Variants in CSMD1 observed in about 807,000 individuals in gnomAD.
CSMD1 encodes CUB and sushi domain-containing protein 1.
CSMD1 carries 213 observed loss-of-function variants against 417.5 expected under a neutral mutation model. That is an observed-to-expected ratio of 0.51 (90% CI 0.46 to 0.57). The LOEUF is 0.57. Among genes scored for constraint, CSMD1 ranks in the 20% least tolerant of loss-of-function variants. The pLI, the probability that CSMD1 is intolerant of heterozygous loss-of-function variation, is 0.00. For synonymous variants in CSMD1, 2,862 were observed against 1,736.8 expected, an observed-to-expected ratio of 1.65 and a Z score of -16.11; for missense variants, 6,923 against 4,529.7, an observed-to-expected ratio of 1.53 and a Z score of -15.17.
intron 2 of CSMD1, among the ~76,000 whole-genome samples, chr8:4,570,471 C>G (rs951260823): frequency 5.9e-5 from 9 of 152,154 alleles, no homozygotes; most frequent in Non-Finnish European, 1.2e-4. Context: ...AGCCTTGCAT[C>G]CCAGGGATGA....
intron 3 of CSMD1, among the ~76,000 whole-genome samples, chr8:4,178,490 A>C (rs1368542243): frequency 3.3e-5 from 5 of 151,218 alleles, no homozygotes; most frequent in Non-Finnish European, 5.9e-5. Context: ...AATGGGCAAA[A>C]ACTGGAAGCA....
At position 4,195,561 on chromosome 8, in the gene CSMD1, T is replaced by C. The variant is rs547928927; in HGVS notation, c.416-163462A>G. ...AGACTTGTGATGTGCGTCTGACCAATAGTATATGGTAGAGGTGAGCGTTGT... is the reference window on the plus strand; with the variant it reads ...AGACTTGTGATGTGCGTCTGACCAACAGTATATGGTAGAGGTGAGCGTTGT... On this transcript the variant is annotated intron_variant, in intron 3 of 69. Transcript: ENST00000635120. Among the ~76,000 whole-genome samples the C allele has an allele frequency of 1.3e-3, 196 of 152,240 alleles. 1 individual carries two copies. The highest frequency in any genetic ancestry group is 2.2e-3 in the Non-Finnish European group (152 of 68,016).
chr8:3,089,081 G>T (rs756729837), intron 48 of CSMD1, among the ~76,000 whole-genome samples: 1 of 152,122 alleles, frequency 6.6e-6, no homozygotes, highest in Non-Finnish European at 1.5e-5. Flanking sequence ...GCCCTACAGG[G>T]GAAACCATAG....
intron 3 of CSMD1, among the ~76,000 whole-genome samples, chr8:4,268,903 C>G (rs898702053): frequency 3.3e-5 from 5 of 152,136 alleles, no homozygotes; most frequent in Admixed American, 3.3e-4. Context: ...GCATCATATA[C>G]TCATCAAGAT....
At chr8:3,665,483 C>G (rs572077539) in intron 7 of CSMD1, among the ~76,000 whole-genome samples, 56 of 152,240 alleles carry the variant, frequency 3.7e-4, no homozygotes, top group Non-Finnish European at 3.2e-4. Context: ...GAGCCAAGAT[C>G]ACGCCACTGC....
chr8:4,550,672 G>A (rs1353549310), intron 2 of CSMD1, among the ~76,000 whole-genome samples: 1 of 152,134 alleles, frequency 6.6e-6, no homozygotes, highest in Non-Finnish European at 1.5e-5. Flanking sequence ...AGACAAAGGT[G>A]ACAAATATAC....
intron 1 of CSMD1, among the ~76,000 whole-genome samples, chr8:4,934,810 T>G (rs992622594): frequency 6.6e-6 from 1 of 152,202 alleles, no homozygotes; most frequent in East Asian, 1.9e-4. Context: ...TAAACCTACC[T>G]ATCATGTATC....
chr8:3,372,842 G>C (rs1810057903), intron 18 of CSMD1, among the ~76,000 whole-genome samples: 1 of 152,188 alleles, frequency 6.6e-6, no homozygotes, highest in African/African-American at 2.4e-5. Flanking sequence ...GAGAACACCA[G>C]TGGCAGTGAA....
At chr8:4,147,770 T>G (rs1001909708) in intron 3 of CSMD1, among the ~76,000 whole-genome samples, 1 of 152,022 alleles carries the variant, frequency 6.6e-6, no homozygotes, top group African/African-American at 2.4e-5. Context: ...GGACTTGCCA[T>G]GTGAGATCAG....
At chr8:4,986,180 A>C (rs893497888) in intron 1 of CSMD1, among the ~76,000 whole-genome samples, 2 of 152,230 alleles carry the variant, frequency 1.3e-5, no homozygotes, top group African/African-American at 4.8e-5. Flanking sequence ...CTCTAACTTC[A>C]GTGGAATCCA....
rs528473247 is a variant in CSMD1 at position 4,317,336 on chromosome 8, A to C, written c.415+102617T>G. On this transcript the variant is annotated intron_variant, in intron 3 of 69. Coordinates refer to ENST00000635120, the MANE Select transcript of CSMD1 (RefSeq NM_033225.6). Reference sequence around the variant, plus strand: ...CTGCTTGCTAACGTGGGGTGCAGTGAAATTAGACTCCCACGTCTGTGTTAT... The same window carrying C: ...CTGCTTGCTAACGTGGGGTGCAGTGCAATTAGACTCCCACGTCTGTGTTAT... Among the ~76,000 whole-genome samples, 3 of 152,286 alleles carry C rather than the reference A, an allele frequency of 2.0e-5. No homozygotes were observed. In the South Asian group the frequency reaches 6.2e-4, roughly 32 times the overall value.
intron 5 of CSMD1, among the ~76,000 whole-genome samples, chr8:3,859,980 G>A (rs1563152531): frequency 6.6e-6 from 1 of 152,108 alleles, no homozygotes; most frequent in Non-Finnish European, 1.5e-5. Flanking sequence ...CAAGCCTGAG[G>A]GTGGTTTTGG....
At chr8:4,523,923 G>A (rs1021216246) in intron 2 of CSMD1, among the ~76,000 whole-genome samples, 4 of 152,046 alleles carry the variant, frequency 2.6e-5, no homozygotes, top group Non-Finnish European at 5.9e-5. Context: ...AATCAGCTCT[G>A]CTCCTCAATG....
At chr8:3,593,770 AAC>A (rs778822203) in intron 8 of CSMD1, among the ~76,000 whole-genome samples, 39 of 152,320 alleles carry the variant, frequency 2.6e-4, no homozygotes, top group Admixed American at 9.8e-4. Context: ...CTTTGCAAAT[AAC>A]ACTGCTATCC....
At chr8:4,333,801 T>C (rs1364819321) in intron 3 of CSMD1, among the ~76,000 whole-genome samples, 1 of 152,124 alleles carries the variant, frequency 6.6e-6, no homozygotes, top group Non-Finnish European at 1.5e-5. Context: ...GGAAACACAT[T>C]GCTTGTGTGC....
intron 8 of CSMD1, among the ~76,000 whole-genome samples, chr8:3,611,529 A>T (rs1347704094): frequency 6.6e-6 from 1 of 152,086 alleles, no homozygotes; most frequent in Non-Finnish European, 1.5e-5. Flanking sequence ...CTTCAAGGAA[A>T]ATGACAAAAT....
At chr8:3,261,178 T>C (rs772138850) in intron 26 of CSMD1, among the ~76,000 whole-genome samples, 1 of 152,250 alleles carries the variant, frequency 6.6e-6, no homozygotes, top group Non-Finnish European at 1.5e-5. Flanking sequence ...CTAAATGATG[T>C]AAATACCATA....
chr8:4,404,899 A>T (rs913918276), intron 3 of CSMD1, among the ~76,000 whole-genome samples: 1 of 152,100 alleles, frequency 6.6e-6, no homozygotes, highest in Non-Finnish European at 1.5e-5. Context: ...CGCTCATTGA[A>T]TTTTTCCAAA....
intron 3 of CSMD1, among the ~76,000 whole-genome samples, chr8:4,170,605 C>T (rs1489421425): frequency 6.6e-6 from 1 of 151,778 alleles, no homozygotes; most frequent in East Asian, 1.9e-4. Flanking sequence ...TCTGTTTCTA[C>T]AAACATGAAT....
Sources: allele counts gnomAD v4.1 joint callset (sites outside exome capture counted in the v4.1 genomes callset), GRCh38; gene constraint gnomAD v4.1.1; transcripts MANE v1.5; gene names NCBI Gene and HGNC (gene_info 2026-07-23, HGNC 2026-07-21).